SDC2: variants seen among roughly 807,000 people sequenced by gnomAD.
The protein encoded by SDC2 is syndecan-2.
In SDC2, 13 loss-of-function variants were observed where a neutral mutation model predicts 22.2. The observed-to-expected ratio is 0.59, with a 90% confidence interval of 0.38 to 0.93. The LOEUF is 0.93. SDC2 is among the 40% of genes least tolerant of loss of function. SDC2 has a pLI of 0.00. For synonymous variants in SDC2, 94 were observed against 92.8 expected, an observed-to-expected ratio of 1.01 and a Z score of -0.07; for missense variants, 235 against 246.8, an observed-to-expected ratio of 0.95 and a Z score of 0.32.
intron 3 of SDC2, among the ~76,000 whole-genome samples, chr8:96,603,148 C>T (rs911105116): frequency 5.9e-5 from 9 of 152,200 alleles, no homozygotes; most frequent in Non-Finnish European, 1.3e-4. Flanking sequence ...GTTAATATTG[C>T]AGTTAGCTGA....
intron 1 of SDC2, among the ~76,000 whole-genome samples, chr8:96,577,108 C>T (rs1300286907): frequency 6.6e-6 from 1 of 152,128 alleles, no homozygotes; most frequent in Non-Finnish European, 1.5e-5. Flanking sequence ...TGCTTTCTTG[C>T]TTGATGGAAC....
Position 96,552,003 on chromosome 8 carries a change from G to A in SDC2, c.61-41477G>A, listed in dbSNP as rs548218925. On this transcript the variant is annotated intron_variant, in intron 1 of 4. Transcript: ENST00000302190. ...TAGGGGAGGTGAGTGTTCATGCTGC[G>A]TCCCTAGACATCTTGAATGTCCCCC... Among the ~76,000 whole-genome samples the A allele has an allele frequency of 4.1e-4, 62 of 152,254 alleles. 3 individuals are homozygous for A. Among genetic ancestry groups the A allele is most frequent in the Non-Finnish European group, 1.6e-4 (11 of 68,034 alleles).
At chr8:96,527,692 A>T (rs1010910397) in intron 1 of SDC2, among the ~76,000 whole-genome samples, 5 of 152,198 alleles carry the variant, frequency 3.3e-5, no homozygotes, top group African/African-American at 1.2e-4. Flanking sequence ...ACTGGGAATC[A>T]ACATATTTGG....
Position 96,536,306 on chromosome 8 carries a change from C to CTTTTA in SDC2, c.60+41998_60+42002dup, listed in dbSNP as rs201449566. Among the ~76,000 whole-genome samples the CTTTTA allele has an allele frequency of 1.0e-2, 1,514 of 151,876 alleles. 25 individuals carry two copies. Among genetic ancestry groups the CTTTTA allele is most frequent in the African/African-American group, 0.029 (1,216 of 41,356 alleles). On this transcript the variant is annotated intron_variant, in intron 1 of 4. Transcript: ENST00000302190. ...GATTCAGGAATATTTCTTGAGTACC[C>CTTTTA]TTTTATTTTATTTTATTTTATTTTA...
intron 1 of SDC2, among the ~76,000 whole-genome samples, chr8:96,505,510 CA>C (rs1048144571): frequency 6.6e-6 from 1 of 152,156 alleles, no homozygotes; most frequent in African/African-American, 2.4e-5. Flanking sequence ...CCATGTTGGC[CA>C]GGATGGTCTC....
chr8:96,551,083 T>G (rs1814017527), intron 1 of SDC2, among the ~76,000 whole-genome samples: 1 of 152,166 alleles, frequency 6.6e-6, no homozygotes, highest in Admixed American at 6.5e-5. Context: ...GCTGCTGGAA[T>G]AGTAGATGGC....
At chr8:96,578,812 A>G (rs1814544758) in intron 1 of SDC2, among the ~76,000 whole-genome samples, 1 of 152,222 alleles carries the variant, frequency 6.6e-6, no homozygotes, top group African/African-American at 2.4e-5. Flanking sequence ...TAAAGAAAGA[A>G]AGAAAAGAAA....
chr8:96,571,551 G>C (rs1159449685), intron 1 of SDC2, among the ~76,000 whole-genome samples: 1 of 152,200 alleles, frequency 6.6e-6, no homozygotes, highest in African/African-American at 2.4e-5. Context: ...TCTTGTGTTT[G>C]TGGTTCTGGG....
intron 1 of SDC2, among the ~76,000 whole-genome samples, chr8:96,512,598 A>G (rs1218140383): frequency 1.3e-5 from 2 of 152,140 alleles, no homozygotes; most frequent in Non-Finnish European, 2.9e-5. Flanking sequence ...AAGAAAGGAA[A>G]GTGGAGAACA....
At chr8:96,576,200 A>G (rs1408153513) in intron 1 of SDC2, among the ~76,000 whole-genome samples, 19 of 151,902 alleles carry the variant, frequency 1.3e-4, no homozygotes, top group Admixed American at 1.2e-3. Flanking sequence ...TGAAGGCGGT[A>G]CTTTCTGGTC....
intron 1 of SDC2, among the ~76,000 whole-genome samples, chr8:96,511,622 C>T (rs1469308343): frequency 3.3e-5 from 5 of 151,996 alleles, no homozygotes; most frequent in African/African-American, 9.7e-5. Flanking sequence ...GGCAAGGCTC[C>T]GAAAGCTGTG....
intron 1 of SDC2, among the ~76,000 whole-genome samples, chr8:96,540,201 A>C (rs2582835): frequency 0.57 from 86,769 of 151,012 alleles, 26,550 homozygotes; most frequent in Non-Finnish European, 0.7. Flanking sequence ...TACAGCCTTG[A>C]CAACTATCAG....
chr8:96,519,972 C>T (rs962306927), intron 1 of SDC2, among the ~76,000 whole-genome samples: 2 of 152,126 alleles, frequency 1.3e-5, no homozygotes, highest in African/African-American at 4.8e-5. Context: ...AAGTTGATAG[C>T]TTCTCATAAT....
intron 1 of SDC2, among the ~76,000 whole-genome samples, chr8:96,523,778 A>T (rs886923534): frequency 9.2e-5 from 14 of 152,204 alleles, no homozygotes; most frequent in Non-Finnish European, 2.9e-5. Context: ...CCAAAAAAAG[A>T]CGCGGATTTT....
At position 96,509,221 on chromosome 8, in the gene SDC2, G is replaced by A. The variant is rs1244695837; in HGVS notation, c.60+14890G>A. On this transcript the variant is annotated intron_variant, in intron 1 of 4. Transcript: ENST00000302190. ...GTCATAGTAGCCACCTCATAGAGGTGTTGTGAGGGCTAATGCCTTAATTAA... is the reference window on the plus strand; with the variant it reads ...GTCATAGTAGCCACCTCATAGAGGTATTGTGAGGGCTAATGCCTTAATTAA... Among the ~76,000 whole-genome samples the A allele has an allele frequency of 4.2e-5, 6 of 141,890 alleles. 2 individuals are homozygous for A. Among genetic ancestry groups the A allele is most frequent in the Admixed American group, 2.8e-4 (4 of 14,276 alleles). The allele number at this position is 141,890 out of a possible 152,430, so 93.1% of individuals were successfully genotyped here. A position where few individuals can be genotyped will look rare whatever the true frequency, so the allele number is the denominator to read the frequency against.
intron 1 of SDC2, among the ~76,000 whole-genome samples, chr8:96,516,800 A>G (rs1813408696): frequency 6.6e-6 from 1 of 152,206 alleles, no homozygotes; most frequent in African/African-American, 2.4e-5. Context: ...TGCATTGCAT[A>G]TAGTCATACC....
chr8:96,550,675 C>A (rs1814012549), intron 1 of SDC2, among the ~76,000 whole-genome samples: 1 of 152,204 alleles, frequency 6.6e-6, no homozygotes, highest in African/African-American at 2.4e-5. Flanking sequence ...AACAAGACCC[C>A]TGACCTCTGC....
intron 1 of SDC2, among the ~76,000 whole-genome samples, chr8:96,570,769 G>A (rs1260533134): frequency 2.0e-5 from 3 of 152,112 alleles, no homozygotes; most frequent in Admixed American, 6.5e-5. Flanking sequence ...GTGTTCATAC[G>A]TTGGGTTAAA....
intron 1 of SDC2, among the ~76,000 whole-genome samples, chr8:96,536,510 C>T (rs140145378): frequency 4.8e-4 from 68 of 140,382 alleles, no homozygotes; most frequent in Middle Eastern, 3.4e-3. Context: ...TTTGTAGATA[C>T]GGGGTTTCAC....
Sources: allele counts gnomAD v4.1 joint callset (sites outside exome capture counted in the v4.1 genomes callset), GRCh38; gene constraint gnomAD v4.1.1; transcripts MANE v1.5; gene names NCBI Gene and HGNC (gene_info 2026-07-23, HGNC 2026-07-21).